Variants in ANKFN1 observed in about 807,000 individuals in gnomAD.
ANKFN1 encodes ankyrin repeat and fibronectin type III domain containing 1.
In ANKFN1, 74 loss-of-function variants were observed where a neutral mutation model predicts 108.7. That is an observed-to-expected ratio of 0.68 (90% CI 0.56 to 0.83). The LOEUF is 0.83. Among genes scored for constraint, ANKFN1 ranks in the 40% least tolerant of loss-of-function variants. ANKFN1 has a pLI of 0.00. For synonymous variants in ANKFN1, 547 were observed against 516.2 expected, an observed-to-expected ratio of 1.06 and a Z score of -0.81; for missense variants, 1,505 against 1,382.3, an observed-to-expected ratio of 1.09 and a Z score of -1.41.
At chr17:56,229,659 T>G (rs1916556153) in intron 3 of ANKFN1, among the ~76,000 whole-genome samples, 1 of 75,924 alleles carries the variant, frequency 1.3e-5, no homozygotes, top group Non-Finnish European at 2.2e-5. Context: ...CCTTTCAGAT[T>G]GCAAAAAAAA....
At chr17:56,378,856 A>G (rs1176397114) in intron 8 of ANKFN1, among the ~76,000 whole-genome samples, 1 of 152,126 alleles carries the variant, frequency 6.6e-6, no homozygotes, top group Non-Finnish European at 1.5e-5. Context: ...ATGAAAGGCA[A>G]CAGTGCTCAA....
At chr17:56,357,194 G>A (rs745624189) in intron 6 of ANKFN1, among the ~76,000 whole-genome samples, 2 of 152,176 alleles carry the variant, frequency 1.3e-5, no homozygotes, top group Non-Finnish European at 2.9e-5. Context: ...AAGGCAAAGA[G>A]ATACGACCAC....
intron 6 of ANKFN1, among the ~76,000 whole-genome samples, chr17:56,365,832 G>A (rs1054684113): frequency 2.0e-5 from 3 of 152,170 alleles, no homozygotes; most frequent in Non-Finnish European, 2.9e-5. Context: ...GTTATGTACA[G>A]GACACACTAC....
At chr17:56,145,492 A>G (rs1908203349) in intron 4 of ANKFN1, among the ~76,000 whole-genome samples, 1 of 152,182 alleles carries the variant, frequency 6.6e-6, no homozygotes, top group Admixed American at 6.5e-5. Context: ...TTCACAGAGC[A>G]GCAGGATTGA....
chr17:56,353,597 A>G (rs899969062), intron 5 of ANKFN1, among the ~76,000 whole-genome samples: 4 of 152,108 alleles, frequency 2.6e-5, no homozygotes, highest in African/African-American at 9.7e-5. Context: ...GTTTGCTCTT[A>G]TCTACAGCCC....
At chr17:56,486,461 G>A (rs1007648429) in intron 18 of ANKFN1, among the ~76,000 whole-genome samples, 9 of 152,150 alleles carry the variant, frequency 5.9e-5, no homozygotes, top group South Asian at 4.1e-4. Context: ...TAAGAATCAT[G>A]ACAAACTCCA....
intron 8 of ANKFN1, among the ~76,000 whole-genome samples, chr17:56,381,110 C>T (rs951818250): frequency 2.0e-5 from 3 of 152,184 alleles, no homozygotes; most frequent in Admixed American, 6.5e-5. Flanking sequence ...AACGATCAGA[C>T]AGCAGCATTC....
chr17:56,160,805 C>T (rs891679616), intron 1 of ANKFN1, among the ~76,000 whole-genome samples: 12 of 152,186 alleles, frequency 7.9e-5, no homozygotes, highest in Non-Finnish European at 1.8e-4. Context: ...AAAGCTCACA[C>T]CCTCCAGGCT....
At chr17:56,075,383 G>C (rs551095068) in intron 4 of ANKFN1, among the ~76,000 whole-genome samples, 1 of 152,250 alleles carries the variant, frequency 6.6e-6, no homozygotes, top group East Asian at 1.9e-4. Context: ...AAAAGTTGCA[G>C]TTTTCTTGCC....
chr17:56,410,931 T>C (rs2144991761), intron 8 of ANKFN1, among the ~76,000 whole-genome samples: 1 of 152,370 alleles, frequency 6.6e-6, no homozygotes, highest in East Asian at 1.9e-4. Context: ...AATAGCTTTA[T>C]AATATATTCT....
At chr17:56,135,941 G>T (rs1368099839) in intron 4 of ANKFN1, among the ~76,000 whole-genome samples, 1 of 151,974 alleles carries the variant, frequency 6.6e-6, no homozygotes, top group Non-Finnish European at 1.5e-5. Context: ...TGAATGAGAA[G>T]AAAGGAGGAA....
chr17:56,082,774 G>T (rs1467492542), intron 4 of ANKFN1, among the ~76,000 whole-genome samples: 4 of 152,148 alleles, frequency 2.6e-5, no homozygotes. Flanking sequence ...CTTCCTTGTT[G>T]GTGAGTTACT....
At chr17:56,387,241 T>C (rs879938642) in intron 8 of ANKFN1, among the ~76,000 whole-genome samples, 13 of 152,186 alleles carry the variant, frequency 8.5e-5, no homozygotes, top group Non-Finnish European at 1.3e-4. Flanking sequence ...ATTTGAAACT[T>C]AATTTACTTG....
rs531293884 is a variant in ANKFN1 at position 56,369,251 on chromosome 17, T to C, written c.602-3395T>C. Among the ~76,000 whole-genome samples the C allele has an allele frequency of 1.9e-3, 292 of 152,302 alleles. 2 individuals are homozygous for C. Among genetic ancestry groups the C allele is most frequent in the African/African-American group, 6.0e-3 (250 of 41,574 alleles). On this transcript the variant is annotated intron_variant, in intron 6 of 20. Coordinates refer to ENST00000682825, the MANE Select transcript of ANKFN1 (RefSeq NM_001370326.1). ...GTGAATCTGTATTGGGGTACAGGAATGAACCTTCTGCAACATCTTAAGATC... is the reference window on the plus strand; with the variant it reads ...GTGAATCTGTATTGGGGTACAGGAACGAACCTTCTGCAACATCTTAAGATC...
chr17:56,444,612 CTT>C (rs1314608018), intron 10 of ANKFN1, among the ~76,000 whole-genome samples: 1 of 152,088 alleles, frequency 6.6e-6, no homozygotes, highest in East Asian at 1.9e-4. Context: ...TTATCAGACT[CTT>C]TATATGGAGG....
intron 3 of ANKFN1, among the ~76,000 whole-genome samples, chr17:56,239,486 A>T (rs1917420211): frequency 1.3e-5 from 2 of 152,284 alleles, no homozygotes; most frequent in Admixed American, 1.3e-4. Flanking sequence ...TCAAAATATC[A>T]CTTTCACTCC....
chr17:56,295,316 T>C (rs2044477317), intron 3 of ANKFN1, among the ~76,000 whole-genome samples: 2 of 152,198 alleles, frequency 1.3e-5, no homozygotes, highest in South Asian at 4.1e-4. Context: ...TTTAAAATAT[T>C]GTGGCAGAGT....
intron 1 of ANKFN1, among the ~76,000 whole-genome samples, chr17:56,164,863 C>T (rs969318402): frequency 2.6e-5 from 4 of 152,208 alleles, no homozygotes; most frequent in Admixed American, 2.6e-4. Flanking sequence ...CCAGTTCAGA[C>T]TGCCAAAATT....
At chr17:56,089,588 C>CT (rs1905376216) in intron 4 of ANKFN1, among the ~76,000 whole-genome samples, 1 of 151,356 alleles carries the variant, frequency 6.6e-6, no homozygotes, top group African/African-American at 2.4e-5. Context: ...CCAGTAGGAG[C>CT]TAGGAAAAGT....
Sources: gnomAD v4.1 joint callset for allele counts (sites outside exome capture counted in the v4.1 genomes callset) on GRCh38, gnomAD v4.1.1 for gene constraint, MANE v1.5 for transcripts, NCBI Gene and HGNC (gene_info 2026-07-23, HGNC 2026-07-21) for gene names.